Variants in PRKG1 observed in about 807,000 individuals in gnomAD.
PRKG1 encodes the protein cGMP-dependent protein kinase 1.
A neutral mutation model predicts 88.1 loss-of-function variants in PRKG1; 35 were observed. That is an observed-to-expected ratio of 0.40 (90% CI 0.30 to 0.53). PRKG1 has a LOEUF of 0.53. PRKG1 is among the 20% of genes least tolerant of loss of function. PRKG1 has a pLI of 0.59. For synonymous variants in PRKG1, 303 were observed against 292.5 expected (o/e 1.04, Z -0.37); for missense variants, 540 against 839.8 (o/e 0.64, Z 4.41).
In PRKG1 at chr10:51,402,913, T is replaced by C. The variant is rs575655823; in HGVS notation, c.479-64810T>C. On this transcript the variant is annotated intron_variant, in intron 2 of 17. Coordinates refer to ENST00000373980, the MANE Select transcript of PRKG1 (RefSeq NM_006258.4). ...TCTCTTTATCATTGATGCCCTCGCATCTCACAAGGTTAGCCAGATTACTAT... is the reference window on the plus strand; with the variant it reads ...TCTCTTTATCATTGATGCCCTCGCACCTCACAAGGTTAGCCAGATTACTAT... 3.9e-5 allele frequency among the ~76,000 whole-genome samples: 6 copies of C among 152,318 alleles called. No homozygotes were observed. In the South Asian group the frequency reaches 1.2e-3, roughly 32 times the overall value.
intron 1 of PRKG1, among the ~76,000 whole-genome samples, chr10:51,028,251 G>A (rs1843235184): frequency 6.6e-6 from 1 of 152,110 alleles, no homozygotes; most frequent in Admixed American, 6.6e-5. Flanking sequence ...CTTTGAGGAA[G>A]CCCCAGGTTA....
chr10:52,103,738 A>G (rs759832860), intron 7 of PRKG1, among the ~76,000 whole-genome samples: 1 of 151,918 alleles, frequency 6.6e-6, no homozygotes, highest in Non-Finnish European at 1.5e-5. Context: ...CTGTATATAT[A>G]TGTTGTTGAG....
At chr10:51,100,786 G>C (rs189506712) in intron 1 of PRKG1, among the ~76,000 whole-genome samples, 1 of 152,248 alleles carries the variant, frequency 6.6e-6, no homozygotes, top group African/African-American at 2.4e-5. Context: ...AAAGGAAGAT[G>C]GAGAAAATAA....
At chr10:52,282,412 T>C (rs1330288631) in intron 14 of PRKG1, 96 bp downstream of exon 14, 10 of 1,186,820 alleles carry the variant, frequency 8.4e-6, no homozygotes, top group East Asian at 2.5e-5. Context: ...CTTAAAGTAC[T>C]TTTCACCATA....
intron 3 of PRKG1, among the ~76,000 whole-genome samples, chr10:51,797,176 A>C (rs919334295): frequency 3.9e-5 from 5 of 127,162 alleles, no homozygotes; most frequent in African/African-American, 1.4e-4. Context: ...TAGGTATCTG[A>C]GTATTTTTTT....
chr10:51,582,264 T>C (rs10823235), intron 3 of PRKG1, among the ~76,000 whole-genome samples: 40,887 of 152,162 alleles, frequency 0.27, 7,435 homozygotes, highest in East Asian at 0.87. Context: ...CTTGGGGCTC[T>C]AAAGAGAGTT....
intron 3 of PRKG1, among the ~76,000 whole-genome samples, chr10:51,560,098 C>T (rs1183715167): frequency 6.6e-6 from 1 of 152,082 alleles, no homozygotes; most frequent in African/African-American, 2.4e-5. Flanking sequence ...TTTTTAATCT[C>T]CCAGAGCCTT....
At chr10:52,218,061 A>C (rs1840154691) in intron 9 of PRKG1, among the ~76,000 whole-genome samples, 1 of 151,786 alleles carries the variant, frequency 6.6e-6, no homozygotes, top group African/African-American at 2.4e-5. Flanking sequence ...AAAATACAAA[A>C]ATTAGCTGGG....
chr10:52,102,556 A>G (rs892785932), intron 7 of PRKG1, among the ~76,000 whole-genome samples: 4 of 149,646 alleles, frequency 2.7e-5, no homozygotes, highest in African/African-American at 9.9e-5. Flanking sequence ...GACTGAGCCA[A>G]TCACGAAAAT....
intron 5 of PRKG1, among the ~76,000 whole-genome samples, chr10:51,930,657 G>C (rs539968048): frequency 6.6e-6 from 1 of 151,432 alleles, no homozygotes; most frequent in Non-Finnish European, 1.5e-5. Context: ...TGCCCAGCTA[G>C]TTTTTGTATT....
At chr10:51,890,233 G>A (rs1260307609) in intron 4 of PRKG1, among the ~76,000 whole-genome samples, 5 of 152,150 alleles carry the variant, frequency 3.3e-5, no homozygotes. Context: ...ATTAATTTTT[G>A]TATAAGGTTA....
chr10:51,968,845 GA>G lies in PRKG1; in HGVS notation c.762+61282del, dbSNP rs1359717856. ...CAAAAAAAAAAAAAAAAAGAAAAAA[GA>G]AAAAAATAGTAATAATTAAAAATTG... On this transcript the variant is annotated intron_variant, in intron 5 of 17. Coordinates refer to ENST00000373980, the MANE Select transcript of PRKG1 (RefSeq NM_006258.4). 8.3e-5 allele frequency among the ~76,000 whole-genome samples: 12 copies of G among 144,018 alleles called. No homozygotes were observed. In the South Asian group the frequency reaches 1.6e-3, roughly 19 times the overall value. 94.5% of individuals were successfully genotyped at this position (144,018 alleles called of 152,430 possible). A position where few individuals can be genotyped will look rare whatever the true frequency, so the allele number is the denominator to read the frequency against.
intron 3 of PRKG1, among the ~76,000 whole-genome samples, chr10:51,519,910 A>C (rs1429215551): frequency 6.6e-6 from 1 of 152,186 alleles, no homozygotes; most frequent in Non-Finnish European, 1.5e-5. Context: ...AAGAAACAGG[A>C]AATTTACCAG....
chr10:51,579,675 G>T (rs115101588), intron 3 of PRKG1, among the ~76,000 whole-genome samples: 44 of 152,198 alleles, frequency 2.9e-4, no homozygotes, highest in African/African-American at 9.9e-4. Context: ...TTAACTATAT[G>T]AGGAGACTGG....
chr10:52,077,189 G>A (rs1233880370), intron 7 of PRKG1, among the ~76,000 whole-genome samples: 1 of 151,962 alleles, frequency 6.6e-6, no homozygotes, highest in African/African-American at 2.4e-5. Context: ...GGTAAACAAT[G>A]GTGCTAGAGC....
chr10:51,337,385 T>C (rs1445208684), intron 2 of PRKG1, among the ~76,000 whole-genome samples: 1 of 151,982 alleles, frequency 6.6e-6, no homozygotes, highest in African/African-American at 2.4e-5. Flanking sequence ...CAAAAGCAAT[T>C]GCAAAAAAAG....
chr10:51,391,063 G>T (rs546352214), intron 2 of PRKG1, among the ~76,000 whole-genome samples: 1 of 152,218 alleles, frequency 6.6e-6, no homozygotes, highest in Non-Finnish European at 1.5e-5. Flanking sequence ...AGCACTGAGA[G>T]GGGGAGAGGC....
chr10:51,977,393 C>T (rs1843872899), intron 5 of PRKG1, among the ~76,000 whole-genome samples: 1 of 151,922 alleles, frequency 6.6e-6, no homozygotes, highest in Admixed American at 6.6e-5. Flanking sequence ...AGATTGATTC[C>T]ATGTCTTTGC....
intron 1 of PRKG1, among the ~76,000 whole-genome samples, chr10:51,064,674 A>T (rs1843728808): frequency 1.3e-5 from 2 of 152,112 alleles, no homozygotes; most frequent in African/African-American, 4.8e-5. Flanking sequence ...ACTTTTTAAA[A>T]TTACAGAAAA....
Sources: gnomAD v4.1 joint callset for allele counts (sites outside exome capture counted in the v4.1 genomes callset) on GRCh38, gnomAD v4.1.1 for gene constraint, MANE v1.5 for transcripts, NCBI Gene and HGNC (gene_info 2026-07-23, HGNC 2026-07-21) for gene names.